The following NCOA3 variants were observed in gnomAD, a reference collection of about 807,000 sequenced individuals.
NCOA3 encodes the protein nuclear receptor coactivator 3, also known as CBP-interacting protein.
NCOA3 carries 51 observed loss-of-function variants against 158.8 expected under a neutral mutation model. The observed-to-expected ratio is 0.32, with a 90% CI of 0.26 to 0.41. NCOA3 has a LOEUF of 0.41. Among genes scored for constraint, NCOA3 ranks in the 10% least tolerant of loss-of-function variants. The pLI, the probability that NCOA3 is intolerant of heterozygous loss-of-function variation, is 1.00. For synonymous variants in NCOA3, 537 were observed against 592.4 expected (o/e 0.91, Z 1.36); for missense variants, 1,510 against 1,746.6 (o/e 0.86, Z 2.41).
Position 47,656,735 on chromosome 20 carries a change from G to T in NCOA3, c.*3318G>T, listed in dbSNP as rs2086883480. On this transcript the variant is annotated 3_prime_UTR_variant, in exon 23 of 23. Coordinates refer to ENST00000371998, the MANE Select transcript of NCOA3 (RefSeq NM_181659.3). ...TCAGTTTCAATCAAGTTTACATTAT[G>T]TTGCTTAAAAAAATAGAAATTATTC... is the stretch of plus-strand genomic sequence containing the variant. 1 of 152,440 alleles carries T rather than the reference G, an allele frequency of 6.6e-6. No individual in the cohort carries two copies. The highest frequency in any genetic ancestry group is 2.4e-5 in the African/African-American group (1 of 41,366). The allele number at this position is 152,440 out of a possible 1,614,324, so 9.4% of individuals were successfully genotyped here.
chr20:47,610,420 A>G (rs962728811), intron 2 of NCOA3, among the ~76,000 whole-genome samples: 3 of 152,076 alleles, frequency 2.0e-5, no homozygotes, highest in Admixed American at 6.6e-5. Context: ...GAATCTCACT[A>G]TGTTGCCCAG....
intron 2 of NCOA3, among the ~76,000 whole-genome samples, chr20:47,617,836 TTTACTC>T (rs2086163928): frequency 6.6e-6 from 1 of 152,242 alleles, no homozygotes; most frequent in Non-Finnish European, 1.5e-5. Context: ...CAATTTGTCA[TTTACTC>T]TTAGACATTG....
chr20:47,527,318 T>C (rs1422780960), intron 1 of NCOA3, among the ~76,000 whole-genome samples: 2 of 152,222 alleles, frequency 1.3e-5, no homozygotes, highest in African/African-American at 4.8e-5. Flanking sequence ...GTATTGTTTC[T>C]AGAATTTCAT....
intron 1 of NCOA3, among the ~76,000 whole-genome samples, chr20:47,568,981 T>C (rs1453667713): frequency 6.6e-6 from 1 of 151,472 alleles, no homozygotes; most frequent in Non-Finnish European, 1.5e-5. Flanking sequence ...GAGGCAGAGT[T>C]TTGCTCTGTT....
At chr20:47,574,623 G>A (rs2085344293) in intron 1 of NCOA3, among the ~76,000 whole-genome samples, 1 of 151,962 alleles carries the variant, frequency 6.6e-6, no homozygotes, top group Non-Finnish European at 1.5e-5. Context: ...TTCCAAAATA[G>A]GCTTTTGTGT....
In NCOA3 at chr20:47,635,504, G is replaced by C; in HGVS notation, c.1295G>C (p.Arg432Thr). ...PSTTGQMSGARYGGSSNIASL... is the reference protein window; with the variant it reads ...PSTTGQMSGATYGGSSNIASL... Reference sequence around the variant, plus strand: ...ACCACAGGGCAGATGAGTGGAGCTAGGTATGGGGGTTCCAGTAACATAGCT... The same window carrying C: ...ACCACAGGGCAGATGAGTGGAGCTACGTATGGGGGTTCCAGTAACATAGCT... The change falls in exon 11 of 23, where the codon AGG becomes ACG. Residue 432 changes from arginine (R) to threonine (T), a missense_variant. Physicochemically the swap from Arg to Thr is moderately conservative, Grantham distance 71. Around this residue, in one of 4 missense-constraint regions of NCOA3, gnomAD observed 1,017 missense variants for 1,098.3 expected, o/e 0.93. Coordinates refer to ENST00000371998, the MANE Select transcript of NCOA3 (RefSeq NM_181659.3). 2 of 1,614,088 alleles carry C rather than the reference G, an allele frequency of 1.2e-6. No homozygotes were observed. Among genetic ancestry groups the C allele is most frequent in the Non-Finnish European group, 1.7e-6 (2 of 1,180,000 alleles).
intron 1 of NCOA3, among the ~76,000 whole-genome samples, chr20:47,528,627 TCTA>T (rs2084495979): frequency 6.6e-6 from 1 of 152,224 alleles, no homozygotes; most frequent in African/African-American, 2.4e-5. Context: ...GCGTAACTGT[TCTA>T]CTGACTTGAA....
chr20:47,502,604 C>T (rs1176844846), intron 1 of NCOA3, among the ~76,000 whole-genome samples: 1 of 151,716 alleles, frequency 6.6e-6, no homozygotes, highest in Non-Finnish European at 1.5e-5. Flanking sequence ...TTAGTTTTCT[C>T]GGTAAAAAGG....
chr20:47,597,248 CT>C (rs762137499), intron 2 of NCOA3, among the ~76,000 whole-genome samples: 1 of 152,142 alleles, frequency 6.6e-6, no homozygotes, highest in Non-Finnish European at 1.5e-5. Flanking sequence ...ACTGTTTTAC[CT>C]TTTCTAAAAT....
intron 17 of NCOA3, among the ~76,000 whole-genome samples, chr20:47,642,850 C>G (rs866794514): frequency 3.3e-5 from 5 of 152,132 alleles, no homozygotes; most frequent in Non-Finnish European, 7.3e-5. Context: ...TGTTTACATA[C>G]CCCGCCTTAT....
chr20:47,556,714 G>A (rs926321706), intron 1 of NCOA3, among the ~76,000 whole-genome samples: 3 of 152,044 alleles, frequency 2.0e-5, no homozygotes, highest in African/African-American at 4.8e-5. Flanking sequence ...AATAGAGATG[G>A]GGTTTCATCA....
At chr20:47,505,569 A>C (rs2084019274) in intron 1 of NCOA3, among the ~76,000 whole-genome samples, 1 of 152,136 alleles carries the variant, frequency 6.6e-6, no homozygotes, top group South Asian at 2.1e-4. Flanking sequence ...TCATGATTGA[A>C]GAGATTACCT....
chr20:47,523,577 G>C (rs992694033), intron 1 of NCOA3, among the ~76,000 whole-genome samples: 2 of 152,170 alleles, frequency 1.3e-5, no homozygotes, highest in Non-Finnish European at 1.5e-5. Context: ...ATTAAAGAGG[G>C]GTTGTAGCCA....
intron 1 of NCOA3, among the ~76,000 whole-genome samples, chr20:47,550,656 C>G (rs2146153770): frequency 6.6e-6 from 1 of 152,164 alleles, no homozygotes; most frequent in South Asian, 2.1e-4. Context: ...GATGGTAGTT[C>G]ACTGAGACTC....
intron 2 of NCOA3, among the ~76,000 whole-genome samples, chr20:47,608,411 G>A (rs1292391963): frequency 1.3e-5 from 2 of 152,096 alleles, no homozygotes; most frequent in Non-Finnish European, 2.9e-5. Context: ...GCCGAGGTGG[G>A]AGAATTGCTT....
At position 47,654,405 on chromosome 20, in the gene NCOA3, T is replaced by A. The variant is rs542919435; in HGVS notation, c.*988T>A. ...TTTTGTAAATATGACCTTTAAGATA[T>A]TGTATTATGTAAAATATGTATATAC... On this transcript the variant is annotated 3_prime_UTR_variant, in exon 23 of 23. Coordinates refer to ENST00000371998, the MANE Select transcript of NCOA3 (RefSeq NM_181659.3). 3.9e-5 allele frequency: 6 copies of A among 152,634 alleles called. No homozygotes were observed. Among genetic ancestry groups the A allele is most frequent in the Admixed American group, 3.3e-4 (5 of 15,270 alleles). 9.5% of individuals were successfully genotyped at this position (152,634 alleles called of 1,614,324 possible). A position where few individuals can be genotyped will look rare whatever the true frequency, so the allele number is the denominator to read the frequency against.
chr20:47,578,289 G>A (rs906236763), intron 1 of NCOA3, among the ~76,000 whole-genome samples: 3 of 152,138 alleles, frequency 2.0e-5, no homozygotes, highest in Admixed American at 6.6e-5. Context: ...GGGTTCAAGC[G>A]ATTCTCCTGC....
At chr20:47,577,932 T>C (rs1296243146) in intron 1 of NCOA3, among the ~76,000 whole-genome samples, 1 of 152,246 alleles carries the variant, frequency 6.6e-6, no homozygotes, top group Non-Finnish European at 1.5e-5. Flanking sequence ...AGATATGTGG[T>C]AATACCTGTC....
chr20:47,522,856 G>C (rs577821070), intron 1 of NCOA3, among the ~76,000 whole-genome samples: 2 of 151,352 alleles, frequency 1.3e-5, no homozygotes, highest in Admixed American at 1.3e-4. Context: ...GGCTCTAAGA[G>C]CTGAGGCTTT....
Sources: allele counts gnomAD v4.1 joint callset (sites outside exome capture counted in the v4.1 genomes callset), GRCh38; gene constraint gnomAD v4.1.1; regional missense constraint gnomAD v4.1.1; transcripts MANE v1.5; gene names NCBI Gene and HGNC (gene_info 2026-07-23, HGNC 2026-07-21).